COL25A1: variants seen among roughly 807,000 people sequenced by gnomAD.
COL25A1 encodes the protein collagen alpha-1(XXV) chain.
Under a neutral mutation model 128.4 loss-of-function variants are expected in COL25A1, and 103 were observed. The observed-to-expected ratio is 0.80, with a 90% CI of 0.68 to 0.94. The LOEUF (loss-of-function observed/expected upper bound fraction) is 0.94. Ranked by LOEUF, COL25A1 falls within the 40% of genes least tolerant of loss-of-function variation. COL25A1 has a pLI of 0.00. For missense variants in COL25A1, 745 were observed against 840.0 expected (o/e 0.89, Z 1.40); for synonymous variants, 279 against 277.2 (o/e 1.01, Z -0.06).
intron 35 of COL25A1, 126 bp downstream of exon 35, chr4:108,824,048 A>G: frequency 6.2e-7 from 1 of 1,612,570 alleles, no homozygotes; most frequent in Non-Finnish European, 8.5e-7. Flanking sequence ...TAAATCAGGC[A>G]TCAGTATGTT....
At chr4:109,046,174 A>T (rs1307474059) in intron 5 of COL25A1, among the ~76,000 whole-genome samples, 1 of 152,160 alleles carries the variant, frequency 6.6e-6, no homozygotes, top group Admixed American at 6.5e-5. Context: ...AGGAATGGTA[A>T]CATCAGAGGG....
chr4:109,227,954 T>C (rs1194552194), intron 3 of COL25A1, among the ~76,000 whole-genome samples: 1 of 152,022 alleles, frequency 6.6e-6, no homozygotes, highest in Non-Finnish European at 1.5e-5. Flanking sequence ...AAGACAATGG[T>C]GTAACTCTCA....
intron 3 of COL25A1, among the ~76,000 whole-genome samples, chr4:109,072,673 G>C (rs185373180): frequency 2.4e-4 from 37 of 152,246 alleles, no homozygotes; most frequent in African/African-American, 8.7e-4. Flanking sequence ...AGAACCTTCT[G>C]CAAGTTTTCT....
intron 3 of COL25A1, among the ~76,000 whole-genome samples, chr4:109,195,783 C>T (rs1775991530): frequency 6.6e-6 from 1 of 152,146 alleles, no homozygotes; most frequent in African/African-American, 2.4e-5. Context: ...CATGCATCCA[C>T]CAAGAAGCAG....
At chr4:109,256,463 G>A (rs17040201) in intron 3 of COL25A1, among the ~76,000 whole-genome samples, 5,915 of 152,112 alleles carry the variant, frequency 0.039, 398 homozygotes, top group African/African-American at 0.14. Context: ...TATCTGAGGG[G>A]TAACTGAATT....
At chr4:109,026,205 GGTAAT>G (rs776251544) in intron 5 of COL25A1, among the ~76,000 whole-genome samples, 3 of 151,572 alleles carry the variant, frequency 2.0e-5, no homozygotes, top group Non-Finnish European at 4.4e-5. Flanking sequence ...CCTGACTAGG[GGTAAT>G]GTAATGTAAT....
intron 3 of COL25A1, among the ~76,000 whole-genome samples, chr4:109,291,284 T>C (rs1280749132): frequency 6.6e-6 from 1 of 152,176 alleles, no homozygotes; most frequent in African/African-American, 2.4e-5. Flanking sequence ...TTATACTTTC[T>C]ATGTGAAATG....
chr4:109,187,099 TGAAA>T (rs1338996621), intron 3 of COL25A1, among the ~76,000 whole-genome samples: 37 of 152,132 alleles, frequency 2.4e-4, no homozygotes, highest in Admixed American at 2.4e-3. Flanking sequence ...TATTAATACT[TGAAA>T]GAAGGGAGAA....
At chr4:109,141,837 T>C (rs1194210420) in intron 3 of COL25A1, among the ~76,000 whole-genome samples, 1 of 152,230 alleles carries the variant, frequency 6.6e-6, no homozygotes, top group Admixed American at 6.5e-5. Flanking sequence ...TCTTTATTAG[T>C]CTGGCTAGTG....
chr4:108,982,109 G>A (rs1007657103), intron 6 of COL25A1, among the ~76,000 whole-genome samples: 4 of 152,264 alleles, frequency 2.6e-5, no homozygotes, highest in Middle Eastern at 6.8e-3. Flanking sequence ...CAGGAGAATC[G>A]CTTGAACCGA....
At chr4:108,920,481 AG>A (rs1451311704) in intron 12 of COL25A1, 96 bp downstream of exon 12, 11 of 817,944 alleles carry the variant, frequency 1.3e-5, no homozygotes, top group Non-Finnish European at 1.9e-5. Context: ...TAACTGCTTC[AG>A]CATGGCTTAC....
chr4:109,152,095 T>TAA (rs57253376), intron 3 of COL25A1, among the ~76,000 whole-genome samples: 143 of 142,820 alleles, frequency 1.0e-3, no homozygotes, highest in Middle Eastern at 3.6e-3. Context: ...GACTTTTTAA[T>TAA]AAAAAAAAAA....
chr4:108,834,969 T>C (rs145488136), intron 31 of COL25A1, among the ~76,000 whole-genome samples: 4 of 152,326 alleles, frequency 2.6e-5, no homozygotes, highest in Admixed American at 1.3e-4. Context: ...TTGTTCCTAC[T>C]GTTCACACTA....
intron 19 of COL25A1, among the ~76,000 whole-genome samples, chr4:108,872,143 G>A (rs935754528): frequency 6.6e-6 from 1 of 152,122 alleles, no homozygotes; most frequent in Non-Finnish European, 1.5e-5. Context: ...GGCCAGGCGT[G>A]GTGGCTCATG....
intron 6 of COL25A1, among the ~76,000 whole-genome samples, chr4:108,998,559 C>A (rs1475845460): frequency 6.6e-6 from 1 of 152,072 alleles, no homozygotes; most frequent in Non-Finnish European, 1.5e-5. Flanking sequence ...TTTATAGATT[C>A]AATGCTATCC....
intron 3 of COL25A1, among the ~76,000 whole-genome samples, chr4:109,181,596 T>C (rs1774633209): frequency 1.3e-5 from 2 of 152,128 alleles, no homozygotes; most frequent in South Asian, 4.1e-4. Context: ...ATAAAAATTA[T>C]GCAAATGTTT....
chr4:109,284,214 C>G (rs1723649055), intron 3 of COL25A1, among the ~76,000 whole-genome samples: 1 of 152,212 alleles, frequency 6.6e-6, no homozygotes, highest in Non-Finnish European at 1.5e-5. Flanking sequence ...CACCTGAGGT[C>G]AGGTGTTTGA....
At chr4:108,901,221 A>G (rs773648796) in intron 13 of COL25A1, 49 bp from the exon 14 acceptor site, 23 of 1,247,366 alleles carry the variant, frequency 1.8e-5, no homozygotes, top group Middle Eastern at 1.9e-4. Flanking sequence ...CAAAATCAAT[A>G]CATTACATGG....
chr4:109,063,707 A>G (rs146859283), intron 3 of COL25A1, among the ~76,000 whole-genome samples: 18 of 152,216 alleles, frequency 1.2e-4, no homozygotes, highest in African/African-American at 4.3e-4. Context: ...ACAGCTAGCC[A>G]CATGCACTGC....
Sources: allele counts gnomAD v4.1 joint callset (sites outside exome capture counted in the v4.1 genomes callset), GRCh38; gene constraint gnomAD v4.1.1; transcripts MANE v1.5; gene names NCBI Gene and HGNC (gene_info 2026-07-23, HGNC 2026-07-21).